The following SERF2 variants were observed in gnomAD, a reference collection of about 807,000 sequenced individuals.
SERF2 encodes the protein small EDRK-rich factor 2.
SERF2 carries 4 observed loss-of-function variants against 10.7 expected under a neutral mutation model. The ratio of observed to expected loss-of-function variants is 0.37; its 90% CI spans 0.18 to 0.86. The LOEUF is 0.86. Among genes scored for constraint, SERF2 ranks in the 40% least tolerant of loss-of-function variants. SERF2 has a pLI of 0.43. For missense variants in SERF2, 47 were observed against 79.1 expected (o/e 0.59, Z 1.54); for synonymous variants, 26 against 26.0 (o/e 1.00, Z 0.01).
chr15:43,789,115 C>G (rs1339104859), upstream of SERF2, among the ~76,000 whole-genome samples: 1 of 150,704 alleles, frequency 6.6e-6, no homozygotes, highest in African/African-American at 2.4e-5. Flanking sequence ...CGCCACTGCA[C>G]TCCAGCCTGG....
upstream of SERF2, among the ~76,000 whole-genome samples, chr15:43,790,982 A>G (rs551671725): frequency 6.8e-5 from 10 of 148,112 alleles, no homozygotes; most frequent in East Asian, 2.0e-3. Flanking sequence ...GTTAGCCAGG[A>G]TGGTCTCGAT....
At position 43,793,030 on chromosome 15, in the gene SERF2, G is replaced by C. The variant is rs750832376; in HGVS notation, c.63G>C (p.Ser21=). 6.2e-7 allele frequency: 1 copy of C among 1,613,094 alleles called. No homozygotes were observed. The highest frequency in any genetic ancestry group is 2.2e-5 in the East Asian group (1 of 44,868). Residue 21 remains serine (S), a synonymous_variant, in exon 2 of 3, where the codon TCG becomes TCC. Coordinates refer to ENST00000249786, the MANE Select transcript of SERF2 (RefSeq NM_001018108.4). ...AGAATATGAAAAAGCAGAGCGACTC[G>C]GTTAAGGGAAAGCGCCGAGATGACG... ...RQKNMKKQSD[S]VKGKRRDDGL...
At chr15:43,786,795 T>C (rs904829528) in intron 2 of SERF2, among the ~76,000 whole-genome samples, 2 of 152,198 alleles carry the variant, frequency 1.3e-5, no homozygotes, top group East Asian at 1.9e-4. Context: ...TTCTAGGTGA[T>C]AGACTAGAGC....
In SERF2 at chr15:43,795,668, GT is replaced by G. The variant is rs1233681910; in HGVS notation, c.*1897del. 6.2e-7 allele frequency: 1 copy of G among 1,613,550 alleles called. No homozygotes were observed. Among genetic ancestry groups the G allele is most frequent in the Admixed American group, 1.7e-5 (1 of 59,992 alleles). On this transcript the variant is annotated 3_prime_UTR_variant, in exon 3 of 3. Transcript: ENST00000249786. ...CCACAGAGATCTACCACTTCTTATG[GT>G]TCCTCACTTGGCACTCACCTTTGTC...
upstream of SERF2, among the ~76,000 whole-genome samples, chr15:43,788,526 G>A (rs1293345765): frequency 7.2e-5 from 11 of 152,182 alleles, no homozygotes; most frequent in African/African-American, 1.4e-4. Context: ...CTGTCACCCA[G>A]GCTGGAGTGC....
At chr15:43,792,556 A>G (rs571552664) in intron 1 of SERF2, 173 bp downstream of exon 1, 16 of 1,485,808 alleles carry the variant, frequency 1.1e-5, no homozygotes, top group Middle Eastern at 1.8e-4. Flanking sequence ...GCCCACGGCT[A>G]CTTCACGGGA....
Position 43,795,815 on chromosome 15 carries a change from G to T in SERF2, c.*2042G>T. 1 of 1,475,388 alleles carries T rather than the reference G, an allele frequency of 6.8e-7. No homozygotes were observed. Among genetic ancestry groups the T allele is most frequent in the South Asian group, 1.2e-5 (1 of 82,290 alleles). 91.4% of individuals were successfully genotyped at this position (1,475,388 alleles called of 1,614,324 possible). The stretch of plus-strand genomic sequence containing the variant: ...ATCTAGGAAACTTCCCCCGTGAAAA[G>T]ATTGGTCTAGTATTAAAAAGTGGAG... On this transcript the variant is annotated 3_prime_UTR_variant, in exon 3 of 3. Transcript: ENST00000249786.
intron 2 of SERF2, among the ~76,000 whole-genome samples, chr15:43,787,213 A>G (rs2087015089): frequency 6.6e-6 from 1 of 151,746 alleles, no homozygotes. Flanking sequence ...GTTAGCCAGG[A>G]TGGTCTTGAT....
Position 43,783,927 on chromosome 15 carries a change from A to ATTTT in SERF2, c.-526-1457_-526-1454dup, listed in dbSNP as rs71111825. 2.1e-3 allele frequency among the ~76,000 whole-genome samples: 101 copies of ATTTT among 48,134 alleles called. 7 individuals carry two copies. Among genetic ancestry groups the ATTTT allele is most frequent in the Non-Finnish European group, 3.0e-3 (81 of 26,968 alleles). 31.6% of individuals were successfully genotyped at this position (48,134 alleles called of 152,430 possible). A position where few individuals can be genotyped will look rare whatever the true frequency, so the allele number is the denominator to read the frequency against. ...CAAGCGGGTGCCACCACGCCCAGCTATTTTTTTTTTTTTTTTTTTTTTTTT... is the reference window on the plus strand; with the variant it reads ...CAAGCGGGTGCCACCACGCCCAGCTATTTTTTTTTTTTTTTTTTTTTTTTTTTTT... On this transcript the variant is annotated intron_variant, in intron 1 of 4. Transcript: ENST00000381359.
At chr15:43,792,193 C>T (rs985861588), upstream of SERF2, 6 of 631,784 alleles carry the variant, frequency 9.5e-6, no homozygotes, top group Admixed American at 5.0e-5. Flanking sequence ...CACTTACCCA[C>T]CCCGGCTCAA....
At chr15:43,792,572 C>T (rs1371791126) in intron 1 of SERF2, 189 bp downstream of exon 1, 1 of 1,472,086 alleles carries the variant, frequency 6.8e-7, no homozygotes, top group East Asian at 2.5e-5. Context: ...CGGGACCACC[C>T]TCCCGGGTTA....
chr15:43,790,428 G>T (rs572365344), upstream of SERF2, among the ~76,000 whole-genome samples: 175 of 152,168 alleles, frequency 1.2e-3, no homozygotes, highest in African/African-American at 4.0e-3. Flanking sequence ...TTTTTTCTCT[G>T]TATCTTTCAT....
At chr15:43,785,923 C>T (rs961707854) in intron 2 of SERF2, among the ~76,000 whole-genome samples, 2 of 151,620 alleles carry the variant, frequency 1.3e-5, no homozygotes, top group African/African-American at 4.8e-5. Flanking sequence ...CCAGGCTGGT[C>T]TTGTACTCCT....
chr15:43,783,914 A>G (rs1307999571), intron 1 of SERF2, among the ~76,000 whole-genome samples: 1 of 131,194 alleles, frequency 7.6e-6, no homozygotes, highest in African/African-American at 2.8e-5. Context: ...AGCGGGTGCC[A>G]CCACGCCCAG....
At chr15:43,792,838 G>A (rs945663726) in intron 1 of SERF2, 137 bp from the exon 2 acceptor site, 2 of 713,130 alleles carry the variant, frequency 2.8e-6, no homozygotes, top group Non-Finnish European at 4.7e-6. Context: ...CAAGCAGCCT[G>A]GGCCTCGATG....
In SERF2 at chr15:43,795,848, T is replaced by A; in HGVS notation, c.*2075T>A. ...TAGTATTAAAAAGTGGAGGCACACC[T>A]GGGTTCAAATTCTAGCTCCAGCATA... On this transcript the variant is annotated 3_prime_UTR_variant, in exon 3 of 3. Transcript: ENST00000249786. The A allele has an allele frequency of 9.2e-7, 1 of 1,081,412 alleles. No homozygotes were observed. The highest frequency in any genetic ancestry group is 1.3e-6 in the Non-Finnish European group (1 of 754,546). 67.0% of individuals were successfully genotyped at this position (1,081,412 alleles called of 1,614,324 possible). A position where few individuals can be genotyped will look rare whatever the true frequency, so the allele number is the denominator to read the frequency against.
In SERF2 at chr15:43,794,119, A is replaced by G. The variant is rs577848609; in HGVS notation, c.*346A>G. 1.1e-5 allele frequency: 8 copies of G among 711,476 alleles called. No individual in the cohort carries two copies. Among genetic ancestry groups the G allele is most frequent in the Non-Finnish European group, 1.8e-5 (8 of 443,916 alleles). 44.1% of individuals were successfully genotyped at this position (711,476 alleles called of 1,614,324 possible). A position where few individuals can be genotyped will look rare whatever the true frequency, so the allele number is the denominator to read the frequency against. On this transcript the variant is annotated 3_prime_UTR_variant, in exon 3 of 3. Transcript: ENST00000249786. ...AATGACTGCCCTTTCCCACCAAAAA[A>G]GGGAGAACTCTTTAGATTCAGATTG...
intron 1 of SERF2, among the ~76,000 whole-genome samples, chr15:43,778,771 G>A (rs560674629): frequency 2.0e-5 from 3 of 151,654 alleles, no homozygotes; most frequent in South Asian, 2.1e-4. Flanking sequence ...GTGTGGTGGC[G>A]CACACCTGTA....
At chr15:43,789,890 C>A (rs28546844), upstream of SERF2, among the ~76,000 whole-genome samples, 24,458 of 151,908 alleles carry the variant, frequency 0.16, 2,595 homozygotes, top group African/African-American at 0.29. Flanking sequence ...CCTGTTATCC[C>A]AGCACTGTGG....
Sources: allele counts gnomAD v4.1 joint callset (sites outside exome capture counted in the v4.1 genomes callset), GRCh38; gene constraint gnomAD v4.1.1; transcripts MANE v1.5; gene names NCBI Gene and HGNC (gene_info 2026-07-23, HGNC 2026-07-21).